Variants in PHLDB2 observed in about 807,000 individuals in gnomAD.
The protein encoded by PHLDB2 is pleckstrin homology like domain family B member 2.
PHLDB2 carries 71 observed loss-of-function variants against 123.6 expected under a neutral mutation model. The observed-to-expected ratio is 0.57, with a 90% CI of 0.47 to 0.70. The LOEUF is 0.70. PHLDB2 is among the 30% of genes least tolerant of loss of function. PHLDB2 has a pLI of 0.00. For synonymous variants in PHLDB2, 547 were observed against 541.6 expected (o/e 1.01, Z -0.14); for missense variants, 1,446 against 1,519.5 (o/e 0.95, Z 0.80).
intron 1 of PHLDB2, among the ~76,000 whole-genome samples, chr3:111,841,278 A>G (rs1177390797): frequency 6.6e-6 from 1 of 152,022 alleles, no homozygotes; most frequent in Non-Finnish European, 1.5e-5. Context: ...TTTTAGCTGT[A>G]TTTTTAGTAG....
chr3:111,921,763 C>T lies in PHLDB2; in HGVS notation c.2001+1344C>T, dbSNP rs12632651. Among the ~76,000 whole-genome samples, 67 of 152,252 alleles carry T rather than the reference C, an allele frequency of 4.4e-4. No individual in the cohort carries two copies. In the East Asian group the frequency reaches 0.011, roughly 25 times the overall value. On this transcript the variant is annotated intron_variant, in intron 5 of 17. Coordinates refer to ENST00000431670, the MANE Select transcript of PHLDB2 (RefSeq NM_001134438.2). The stretch of plus-strand genomic sequence containing the variant: ...GACTACAGGCACCCGCCACCACACC[C>T]GGCTAATTTTTTGTATTTTCAGTAG...
At chr3:111,746,155 A>T (rs75108364) in intron 1 of PHLDB2, among the ~76,000 whole-genome samples, 7,797 of 152,286 alleles carry the variant, frequency 0.051, 671 homozygotes, top group African/African-American at 0.18. Context: ...AGAATCAAGC[A>T]CTTTGGAGTT....
intron 5 of PHLDB2, among the ~76,000 whole-genome samples, chr3:111,931,385 G>A (rs7643903): frequency 0.13 from 19,913 of 152,222 alleles, 1,644 homozygotes; most frequent in Non-Finnish European, 0.18. Flanking sequence ...TTGTAAAGCC[G>A]TGTAATCACT....
intron 15 of PHLDB2, 129 bp from the exon 16 acceptor site, chr3:111,969,561 T>A: frequency 2.9e-6 from 2 of 693,664 alleles, no homozygotes; most frequent in Non-Finnish European, 4.7e-6. Flanking sequence ...TTTGTTTATC[T>A]TAAGCTCTTT....
At chr3:111,810,807 C>T (rs776979219) in intron 1 of PHLDB2, among the ~76,000 whole-genome samples, 27 of 152,112 alleles carry the variant, frequency 1.8e-4, no homozygotes, top group East Asian at 5.8e-4. Context: ...TTTTTGACAA[C>T]GGAATCCTTT....
At chr3:111,916,046 G>A (rs1446974550) in intron 3 of PHLDB2, 2 of 152,202 alleles carry the variant, frequency 1.3e-5, no homozygotes, top group Non-Finnish European at 2.9e-5. Flanking sequence ...TAAGCTGTGT[G>A]CTGTCTCTAA....
At chr3:111,948,350 T>G (rs1230750648) in intron 9 of PHLDB2, among the ~76,000 whole-genome samples, 1 of 152,170 alleles carries the variant, frequency 6.6e-6, no homozygotes, top group East Asian at 1.9e-4. Flanking sequence ...TTATTTTTAT[T>G]CTCATTTGGT....
intron 1 of PHLDB2, among the ~76,000 whole-genome samples, chr3:111,746,070 C>T (rs1008364391): frequency 6.6e-5 from 10 of 152,202 alleles, no homozygotes; most frequent in Non-Finnish European, 1.5e-4. Flanking sequence ...CTATTATTCT[C>T]TAAAGGCAGT....
chr3:111,827,649 C>T (rs2062727067), intron 1 of PHLDB2, among the ~76,000 whole-genome samples: 1 of 142,840 alleles, frequency 7.0e-6, no homozygotes, highest in Non-Finnish European at 1.5e-5. Flanking sequence ...CCATTGCACG[C>T]CGGCCTGAGC....
chr3:111,861,046 T>A (rs1202006891), intron 1 of PHLDB2, among the ~76,000 whole-genome samples: 1 of 152,210 alleles, frequency 6.6e-6, no homozygotes, highest in East Asian at 1.9e-4. Flanking sequence ...CTGGGAGAGA[T>A]CTAAATGAGG....
intron 6 of PHLDB2, among the ~76,000 whole-genome samples, chr3:111,935,982 A>C (rs1037790769): frequency 5.9e-5 from 9 of 152,148 alleles, no homozygotes; most frequent in African/African-American, 2.2e-4. Context: ...GTCTTTTTCC[A>C]TATTCCAAAA....
chr3:111,906,811 G>C (rs1025402312), intron 2 of PHLDB2, among the ~76,000 whole-genome samples: 3 of 152,182 alleles, frequency 2.0e-5, no homozygotes, highest in Non-Finnish European at 4.4e-5. Context: ...AGCAGACACA[G>C]TCATACAAAG....
chr3:111,859,864 A>G, intron 1 of PHLDB2: 1 of 985,554 alleles, frequency 1.0e-6, no homozygotes, highest in African/African-American at 1.7e-5. Context: ...GGCGGTTTGG[A>G]GGAAAGATGA....
intron 2 of PHLDB2, among the ~76,000 whole-genome samples, chr3:111,851,850 C>T (rs923871752): frequency 3.3e-5 from 5 of 152,082 alleles, no homozygotes; most frequent in African/African-American, 4.8e-5. Flanking sequence ...ACTCCTCCCT[C>T]CCCAGCTCAG....
At chr3:111,943,309 A>G (rs994064613) in intron 8 of PHLDB2, among the ~76,000 whole-genome samples, 1 of 152,208 alleles carries the variant, frequency 6.6e-6, no homozygotes, top group African/African-American at 2.4e-5. Flanking sequence ...ATGATGCTGG[A>G]TCAACTGAGT....
intron 13 of PHLDB2, 63 bp from the exon 14 acceptor site, chr3:111,966,534 GTGTGTGTGTGTGTGTA>G: frequency 6.1e-6 from 5 of 825,560 alleles, no homozygotes; most frequent in Middle Eastern, 2.3e-4. Flanking sequence ...TGGGGTGTGT[GTGTGTGTGTGTGTGTA>G]TGTATTAGAG....
At chr3:111,854,817 C>G (rs1351694000), upstream of PHLDB2, among the ~76,000 whole-genome samples, 1 of 152,166 alleles carries the variant, frequency 6.6e-6, no homozygotes, top group Non-Finnish European at 1.5e-5. Context: ...GAAGCCATGT[C>G]CCCAGTGGCT....
chr3:111,919,864 C>T (rs1169333387), intron 4 of PHLDB2, among the ~76,000 whole-genome samples: 1 of 152,130 alleles, frequency 6.6e-6, no homozygotes, highest in South Asian at 2.1e-4. Context: ...ACGCTGGAAG[C>T]CCCTCCTGCT....
intron 2 of PHLDB2, among the ~76,000 whole-genome samples, chr3:111,886,180 T>A (rs1380072584): frequency 6.6e-6 from 1 of 152,274 alleles, no homozygotes; most frequent in African/African-American, 2.4e-5. Flanking sequence ...TGATTCATTT[T>A]TGATTCATGA....
Sources: allele counts gnomAD v4.1 joint callset (sites outside exome capture counted in the v4.1 genomes callset), GRCh38; gene constraint gnomAD v4.1.1; transcripts MANE v1.5; gene names NCBI Gene and HGNC (gene_info 2026-07-23, HGNC 2026-07-21).